The following DIAPH1 variants were observed in gnomAD, a reference collection of about 807,000 sequenced individuals.
The protein encoded by DIAPH1 is protein diaphanous homolog 1.
A neutral mutation model predicts 140.7 loss-of-function variants in DIAPH1; 46 were observed. The ratio of observed to expected loss-of-function variants is 0.33; its 90% confidence interval spans 0.26 to 0.42. The LOEUF (loss-of-function observed/expected upper bound fraction) is 0.42, where lower values mean the gene tolerates loss of function less well. Among genes scored for constraint, DIAPH1 ranks in the 10% least tolerant of loss-of-function variants. DIAPH1 has a pLI of 1.00. For synonymous variants in DIAPH1, 565 were observed against 551.6 expected (o/e 1.02, Z -0.34); for missense variants, 1,310 against 1,558.7 (o/e 0.84, Z 2.69).
intron 27 of DIAPH1, among the ~76,000 whole-genome samples, chr5:141,521,793 G>A (rs1004696132): frequency 6.6e-6 from 1 of 152,122 alleles, no homozygotes; most frequent in Non-Finnish European, 1.5e-5. Flanking sequence ...ATAGCCAGTG[G>A]AGCCTTTGTA....
At chr5:141,522,569 C>T (rs1330881786) in intron 27 of DIAPH1, among the ~76,000 whole-genome samples, 1 of 132,438 alleles carries the variant, frequency 7.6e-6, no homozygotes, top group Non-Finnish European at 1.6e-5. Flanking sequence ...GGCACTTAGC[C>T]GACGGGGTCA....
At chr5:141,609,502 G>A (rs970452931) in intron 1 of DIAPH1, among the ~76,000 whole-genome samples, 21 of 152,268 alleles carry the variant, frequency 1.4e-4, no homozygotes, top group African/African-American at 5.1e-4. Context: ...CTTCAAGCAG[G>A]CTGCTTGATC....
intron 1 of DIAPH1, among the ~76,000 whole-genome samples, chr5:141,592,833 T>C (rs562901256): frequency 6.6e-6 from 1 of 152,340 alleles, no homozygotes; most frequent in Non-Finnish European, 1.5e-5. Context: ...TGAATTTTTT[T>C]AAAATATCCA....
At chr5:141,580,945 G>C in intron 7 of DIAPH1, 62 bp from the exon 8 acceptor site, 1 of 1,608,100 alleles carries the variant, frequency 6.2e-7, no homozygotes, top group Non-Finnish European at 8.5e-7. Flanking sequence ...TGGGGGACAA[G>C]TTTACGGGTT....
chr5:141,556,751 G>T (rs2099892656), intron 18 of DIAPH1, among the ~76,000 whole-genome samples: 4 of 152,086 alleles, frequency 2.6e-5, no homozygotes. Context: ...GAGTGCAGTG[G>T]TGCAATCTTG....
At position 141,516,484 on chromosome 5, in the gene DIAPH1, G is replaced by A. The variant is rs148686869; in HGVS notation, c.*367C>T. 6.8e-5 allele frequency: 23 copies of A among 339,778 alleles called. No individual in the cohort carries two copies. The highest frequency in any genetic ancestry group is 8.5e-5 in the Non-Finnish European group (15 of 175,930). 21.0% of individuals were successfully genotyped at this position (339,778 alleles called of 1,614,324 possible). On this transcript the variant is annotated 3_prime_UTR_variant, in exon 28 of 28. Coordinates refer to ENST00000389054, the MANE Select transcript of DIAPH1 (RefSeq NM_005219.5). ...CACAAATCCAGCAAGACTGACCTAG[G>A]GGGGAAAGCCCATTAGAAAGTCAGG... is the stretch of plus-strand genomic sequence containing the variant.
At chr5:141,602,743 C>G (rs922425616) in intron 1 of DIAPH1, among the ~76,000 whole-genome samples, 1 of 152,202 alleles carries the variant, frequency 6.6e-6, no homozygotes, top group Non-Finnish European at 1.5e-5. Flanking sequence ...TTCCCTTCTT[C>G]AATTCCCACT....
At chr5:141,542,678 T>C (rs1370886610) in intron 18 of DIAPH1, among the ~76,000 whole-genome samples, 6 of 152,136 alleles carry the variant, frequency 3.9e-5, no homozygotes, top group Non-Finnish European at 1.5e-5. Context: ...AGACTGGTGA[T>C]TGTTAGGAGC....
chr5:141,529,846 G>C, intron 19 of DIAPH1, 149 bp from the exon 20 acceptor site: 2 of 711,344 alleles, frequency 2.8e-6, no homozygotes. Context: ...CACTTCGGGA[G>C]GCCAAGGTGG....
intron 18 of DIAPH1, among the ~76,000 whole-genome samples, chr5:141,556,512 G>A (rs1046902374): frequency 6.6e-6 from 1 of 152,084 alleles, no homozygotes; most frequent in African/African-American, 2.4e-5. Flanking sequence ...AGATTATCAC[G>A]TCAGGAGAAA....
chr5:141,614,733 GT>G (rs2099902388), intron 1 of DIAPH1, among the ~76,000 whole-genome samples: 1 of 151,534 alleles, frequency 6.6e-6, no homozygotes, highest in African/African-American at 2.4e-5. Context: ...CTACCATTCT[GT>G]CATCTCAAAC....
At chr5:141,583,807 C>T (rs754069325) in intron 4 of DIAPH1, among the ~76,000 whole-genome samples, 192 bp from the exon 5 acceptor site, 5 of 152,130 alleles carry the variant, frequency 3.3e-5, no homozygotes, top group Non-Finnish European at 7.4e-5. Context: ...TCCCAAAGTG[C>T]TCAGATTACA....
At chr5:141,529,310 T>C in intron 20 of DIAPH1, 37 bp from the exon 21 acceptor site, 1 of 1,537,300 alleles carries the variant, frequency 6.5e-7, no homozygotes, top group Non-Finnish European at 9.0e-7. Context: ...TGGAGGGGAA[T>C]TCGCTAACAA....
In DIAPH1 at chr5:141,576,278, CT is replaced by C. The variant is rs747592181; in HGVS notation, c.1412del (p.Lys471ArgfsTer22). 1 of 1,614,002 alleles carries C rather than the reference CT, an allele frequency of 6.2e-7. No homozygotes were observed. The highest frequency in any genetic ancestry group is 8.5e-7 in the Non-Finnish European group (1 of 1,179,838). On this transcript the variant is annotated frameshift_variant, in exon 14 of 28. Transcript: ENST00000389054. LOFTEE classifies it high-confidence loss of function. ...IEGLIDQMIDKTKVEKSEAKA... is the reference protein window; with the variant it reads ...IEGLIDQMIDXTKVEKSEAKA... ...TGGCTTCAGATTTCTCCACCTTTGT[CT>C]TATCAATCATTTGATCTGAAAAGAA...
intron 18 of DIAPH1, among the ~76,000 whole-genome samples, chr5:141,569,716 G>A (rs1488902708): frequency 6.6e-6 from 1 of 151,996 alleles, no homozygotes; most frequent in Non-Finnish European, 1.5e-5. Flanking sequence ...GAGCACGATC[G>A]CGCCAGTGCA....
chr5:141,516,802 G>C lies in DIAPH1; in HGVS notation c.*49C>G. 6.2e-7 allele frequency: 1 copy of C among 1,610,646 alleles called. No individual in the cohort carries two copies. The highest frequency in any genetic ancestry group is 8.5e-7 in the Non-Finnish European group (1 of 1,178,504). Reference sequence around the variant, plus strand: ...GCCTTTAGGCACATGCTGCAGGGCAGGACAGTCTGCGGCTCCGCTGAGGAG... The same window carrying C: ...GCCTTTAGGCACATGCTGCAGGGCACGACAGTCTGCGGCTCCGCTGAGGAG... On this transcript the variant is annotated 3_prime_UTR_variant, in exon 28 of 28. Coordinates refer to ENST00000389054, the MANE Select transcript of DIAPH1 (RefSeq NM_005219.5).
chr5:141,571,511 T>C (rs2099895181), intron 17 of DIAPH1, 75 bp from the exon 18 acceptor site: 2 of 1,328,524 alleles, frequency 1.5e-6, no homozygotes, highest in South Asian at 1.2e-5. Context: ...AGGAATCACA[T>C]ATGGTTCTTG....
rs750068600 is a variant in DIAPH1, at chr5:141,618,886, G to C, written c.29C>G (p.Pro10Arg). Residue 10 changes from proline (P) to arginine (R), a missense_variant, in exon 1 of 28, where the codon CCC (proline) becomes CGC (arginine). By Grantham distance (103) the Pro-to-Arg change is moderately radical. Around this residue, in one of 3 missense-constraint regions of DIAPH1, gnomAD observed 377 missense variants for 497.1 expected, o/e 0.76. Transcript: ENST00000389054. ...CTTCTTGTCCCGGGTCCCGCGGCCG[G>C]GCCCCAGGCTCCCGCCGGGCGGCTC... MEPPGGSLG[P>R]GRGTRDKKKG... 2.6e-5 allele frequency: 40 copies of C among 1,516,706 alleles called. No homozygotes were observed. The highest frequency in any genetic ancestry group is 3.3e-5 in the Non-Finnish European group (37 of 1,132,104). The allele number at this position is 1,516,706 out of a possible 1,614,324, so 94.0% of individuals were successfully genotyped here.
chr5:141,576,595 A>C (rs750803220), intron 13 of DIAPH1, among the ~76,000 whole-genome samples, 161 bp downstream of exon 13: 1 of 152,230 alleles, frequency 6.6e-6, no homozygotes, highest in Non-Finnish European at 1.5e-5. Context: ...CTAAAGACCT[A>C]TAGATTCCTA....
Sources: gnomAD v4.1 joint callset for allele counts (sites outside exome capture counted in the v4.1 genomes callset) on GRCh38, gnomAD v4.1.1 for gene constraint, gnomAD v4.1.1 regional missense constraint, MANE v1.5 for transcripts, NCBI Gene and HGNC (gene_info 2026-07-23, HGNC 2026-07-21) for gene names.